MICAL2: variants seen among roughly 807,000 people sequenced by gnomAD.
MICAL2 encodes [F-actin]-monooxygenase MICAL2.
A neutral mutation model predicts 127.3 loss-of-function variants in MICAL2; 77 were observed. That is an observed-to-expected ratio of 0.60 (90% confidence interval 0.50 to 0.73). The LOEUF is 0.73. Ranked by LOEUF, MICAL2 falls within the 30% of genes least tolerant of loss-of-function variation. The pLI is 0.00. For synonymous variants in MICAL2, 570 were observed against 551.1 expected (o/e 1.03, Z -0.48); for missense variants, 1,351 against 1,434.4 (o/e 0.94, Z 0.94).
chr11:12,275,233 C>T (rs1049871329), upstream of MICAL2, among the ~76,000 whole-genome samples: 23 of 152,102 alleles, frequency 1.5e-4, no homozygotes, highest in African/African-American at 4.6e-4. Context: ...TCTGTTCGGA[C>T]TTGTTGAGTC....
chr11:12,182,983 G>A (rs73414284), intron 3 of MICAL2, among the ~76,000 whole-genome samples: 15,137 of 152,016 alleles, frequency 0.1, 1,239 homozygotes, highest in African/African-American at 0.22. Flanking sequence ...GCAGACCTGC[G>A]TTTACTCTCA....
chr11:12,161,059 C>T (rs937125607), intron 2 of MICAL2, among the ~76,000 whole-genome samples: 1 of 152,184 alleles, frequency 6.6e-6, no homozygotes, highest in African/African-American at 2.4e-5. Context: ...GTCTGCTGTG[C>T]CCTCTTGCTC....
intron 20 of MICAL2, chr11:12,243,071 C>T (rs546215889): frequency 4.1e-6 from 1 of 243,756 alleles, no homozygotes; most frequent in Non-Finnish European, 7.8e-6. Context: ...ATTTTCCAAG[C>T]AGGCTCTGAG....
At chr11:12,192,763 G>A (rs146647466) in intron 3 of MICAL2, among the ~76,000 whole-genome samples, 2,152 of 152,274 alleles carry the variant, frequency 0.014, 41 homozygotes, top group African/African-American at 0.049. Context: ...GGGTGACAGA[G>A]TGAGACTCAG....
Position 12,162,062 on chromosome 11 carries a change from T to C in MICAL2, c.-77-17T>C. 9 of 1,553,566 alleles carry C rather than the reference T, an allele frequency of 5.8e-6. No homozygotes were observed. The highest frequency in any genetic ancestry group is 7.9e-6 in the Non-Finnish European group (9 of 1,141,742). On this transcript the variant is annotated splice_polypyrimidine_tract_variant and intron_variant, in intron 2 of 27. Transcript: ENST00000683283. Reference sequence around the variant, plus strand: ...TCATCGTCCAAAGCTGACCTCTGCCTCCCCCTACTTTCACAGGTGTGACGT... The same window carrying C: ...TCATCGTCCAAAGCTGACCTCTGCCCCCCCCTACTTTCACAGGTGTGACGT...
rs189579555 is a variant in MICAL2 at position 12,285,181 on chromosome 11, G to A, written c.255-1906G>A. Among the ~76,000 whole-genome samples, 528 of 152,260 alleles carry A rather than the reference G, an allele frequency of 3.5e-3. 2 individuals carry two copies. Among genetic ancestry groups the A allele is most frequent in the African/African-American group, 0.012 (505 of 41,552 alleles). On this transcript the variant is annotated intron_variant, in intron 2 of 2. Transcript: ENST00000529028. ...GTCCTCTTGCACTGAGTCAGTTCCT[G>A]AGTGGGGGCTAAAAGACCAGATGAG...
intron 7 of MICAL2, 65 bp from the exon 8 acceptor site, chr11:12,216,154 C>A: frequency 8.2e-7 from 1 of 1,218,612 alleles, no homozygotes; most frequent in Non-Finnish European, 1.2e-6. Context: ...AGGCAAAGTA[C>A]AGTTCCTGGC....
At chr11:12,267,434 A>C (rs1863621555), downstream of MICAL2, among the ~76,000 whole-genome samples, 2 of 152,090 alleles carry the variant, frequency 1.3e-5, no homozygotes, top group South Asian at 4.1e-4. Context: ...TCTTGACCTC[A>C]CACGAAATCC....
chr11:12,126,854 A>G (rs1850964640), intron 1 of MICAL2, among the ~76,000 whole-genome samples: 1 of 152,010 alleles, frequency 6.6e-6, no homozygotes, highest in South Asian at 2.1e-4. Context: ...TGGGCTAGGG[A>G]GGGCCTGGAA....
At chr11:12,163,257 A>G (rs1855055529) in intron 3 of MICAL2, among the ~76,000 whole-genome samples, 1 of 152,206 alleles carries the variant, frequency 6.6e-6, no homozygotes, top group African/African-American at 2.4e-5. Context: ...CAGGCGTCTC[A>G]GCTGACTTCC....
intron 32 of MICAL2, among the ~76,000 whole-genome samples, chr11:12,341,236 C>T (rs1462733287): frequency 6.6e-6 from 1 of 152,104 alleles, no homozygotes; most frequent in Non-Finnish European, 1.5e-5. Context: ...TCTAAAGCCC[C>T]TTGAAGGCCC....
intron 21 of MICAL2, among the ~76,000 whole-genome samples, chr11:12,246,099 A>G (rs1202844624): frequency 2.0e-5 from 3 of 152,258 alleles, no homozygotes; most frequent in African/African-American, 7.2e-5. Flanking sequence ...CTGCTGCAAG[A>G]AAAGCTCCTA....
At chr11:12,313,983 T>TTTTTTTTTG (rs1555020731) in intron 29 of MICAL2, among the ~76,000 whole-genome samples, 1 of 127,558 alleles carries the variant, frequency 7.8e-6, no homozygotes, top group African/African-American at 3.0e-5. Context: ...TTTTTTTTTT[T>TTTTTTTTTG]GATAGCTATA....
intron 32 of MICAL2, among the ~76,000 whole-genome samples, chr11:12,344,648 T>C (rs989645072): frequency 6.7e-5 from 10 of 150,070 alleles, no homozygotes; most frequent in African/African-American, 2.2e-4. Context: ...TACAGGTGCC[T>C]ACCACTATGC....
chr11:12,316,492 A>C (rs1307081537), intron 29 of MICAL2, among the ~76,000 whole-genome samples: 1 of 151,198 alleles, frequency 6.6e-6, no homozygotes, highest in African/African-American at 2.4e-5. Context: ...AAATGCTCCT[A>C]ATTTTCCTAT....
Position 12,209,581 on chromosome 11 carries a change from G to A in MICAL2, c.674G>A (p.Arg225His), listed in dbSNP as rs766049584. 24 of 1,613,658 alleles carry A rather than the reference G, an allele frequency of 1.5e-5. No individual in the cohort carries two copies. Among genetic ancestry groups the A allele is most frequent in the African/African-American group, 2.7e-5 (2 of 75,008 alleles). Reference sequence around the variant, plus strand: ...GACGTCATCATTGGTGCCGATGGCCGCAGGAACACCCTGGAAGGTGAAGAC... The same window carrying A: ...GACGTCATCATTGGTGCCGATGGCCACAGGAACACCCTGGAAGGTGAAGAC... ...EFDVIIGADG[R>H]RNTLEGFRRK... The change falls in exon 6 of 28, where the codon CGC becomes CAC. Residue 225 changes from arginine to histidine, a missense_variant. This residue lies in a region of MICAL2 where 599 missense variants were observed against 714.9 expected (regional missense o/e 0.84). Coordinates refer to ENST00000683283, the MANE Select transcript of MICAL2 (RefSeq NM_001282663.2).
chr11:12,319,876 A>G (rs1864273541), intron 30 of MICAL2: 2 of 1,220,470 alleles, frequency 1.6e-6, no homozygotes, highest in Non-Finnish European at 1.2e-6. Flanking sequence ...TCCAGATTTC[A>G]GAACCAATGT....
chr11:12,318,894 C>G (rs1172435947), intron 29 of MICAL2, among the ~76,000 whole-genome samples: 1 of 152,204 alleles, frequency 6.6e-6, no homozygotes, highest in Non-Finnish European at 1.5e-5. Context: ...TAACCATCTA[C>G]CTCTTGTTCA....
intron 2 of MICAL2, among the ~76,000 whole-genome samples, chr11:12,281,276 C>A (rs1301076220): frequency 6.6e-6 from 1 of 152,184 alleles, no homozygotes; most frequent in Non-Finnish European, 1.5e-5. Context: ...GGACTTGAAC[C>A]AGGCCTGGCT....
Sources: gnomAD v4.1 joint callset for allele counts (sites outside exome capture counted in the v4.1 genomes callset) on GRCh38, gnomAD v4.1.1 for gene constraint, gnomAD v4.1.1 regional missense constraint, MANE v1.5 for transcripts, NCBI Gene and HGNC (gene_info 2026-07-23, HGNC 2026-07-21) for gene names.